Variants in CTNNA2 observed in about 807,000 individuals in gnomAD.
CTNNA2 encodes catenin alpha 2, also known as catenin alpha-2.
A neutral mutation model predicts 101.0 loss-of-function variants in CTNNA2; 42 were observed. That is an observed-to-expected ratio of 0.42 (90% CI 0.32 to 0.54). The LOEUF is 0.54. Among genes scored for constraint, CTNNA2 ranks in the 20% least tolerant of loss-of-function variants. CTNNA2 has a pLI of 0.14. For synonymous variants in CTNNA2, 450 were observed against 456.4 expected (o/e 0.99, Z 0.18); for missense variants, 871 against 1,223.1 (o/e 0.71, Z 4.29).
chr2:79,740,777 G>A lies in CTNNA2; in HGVS notation c.103-3610G>A, dbSNP rs571860120. Reference sequence around the variant, plus strand: ...TCAGGTTCCAAAGATACAGCATAGAGCACAACAACAATTCAGCCTTTTGTC... The same window carrying A: ...TCAGGTTCCAAAGATACAGCATAGAACACAACAACAATTCAGCCTTTTGTC... On this transcript the variant is annotated intron_variant, in intron 2 of 18. Coordinates refer to ENST00000402739, the MANE Select transcript of CTNNA2 (RefSeq NM_001282597.3). Among the ~76,000 whole-genome samples the A allele has an allele frequency of 2.0e-5, 3 of 152,118 alleles. No individual in the cohort carries two copies. The East Asian group carries it at 5.8e-4, about 29-fold the overall frequency.
intron 1 of CTNNA2, among the ~76,000 whole-genome samples, chr2:79,185,890 T>C (rs995670755): frequency 6.6e-6 from 1 of 152,164 alleles, no homozygotes; most frequent in Non-Finnish European, 1.5e-5. Context: ...ATGTGTGGTG[T>C]TTACAGAAGT....
chr2:80,277,555 A>G lies in CTNNA2; in HGVS notation c.1057-115656A>G, dbSNP rs1160295653. ...GAGAGACTCAGGGAAGGATTTCTGA[A>G]AAAAAAAAAAAAAAAAAATGGACTT... On this transcript the variant is annotated intron_variant, in intron 7 of 18. Coordinates refer to ENST00000402739, the MANE Select transcript of CTNNA2 (RefSeq NM_001282597.3). 2.8e-4 allele frequency among the ~76,000 whole-genome samples: 42 copies of G among 147,960 alleles called. No individual in the cohort carries two copies. In the East Asian group the frequency reaches 7.3e-3, roughly 26 times the overall value.
intron 7 of CTNNA2, among the ~76,000 whole-genome samples, chr2:79,979,973 A>T (rs1249817135): frequency 6.6e-6 from 1 of 152,152 alleles, no homozygotes; most frequent in Non-Finnish European, 1.5e-5. Context: ...CTCATCTATA[A>T]CTGGAGATGT....
intron 7 of CTNNA2, among the ~76,000 whole-genome samples, chr2:80,136,376 G>A (rs1409841890): frequency 6.6e-6 from 1 of 152,184 alleles, no homozygotes; most frequent in African/African-American, 2.4e-5. Context: ...GGAAGGTCTT[G>A]TGATTTATTG....
rs62140104 is a variant in CTNNA2 at position 79,639,223 on chromosome 2, A to C, written c.-5-12329A>C. On this transcript the variant is annotated intron_variant, in intron 1 of 18. Coordinates refer to ENST00000402739, the MANE Select transcript of CTNNA2 (RefSeq NM_001282597.3). Reference sequence around the variant, plus strand: ...GAATGGTTCCTGCTTTTACAATCTGATGAGTCAGAACAAAGCTCATCTCTC... The same window carrying C: ...GAATGGTTCCTGCTTTTACAATCTGCTGAGTCAGAACAAAGCTCATCTCTC... Among the ~76,000 whole-genome samples, 593 of 152,284 alleles carry C rather than the reference A, an allele frequency of 3.9e-3. 2 individuals carry two copies. Among genetic ancestry groups the C allele is most frequent in the Non-Finnish European group, 6.1e-3 (414 of 68,008 alleles).
At chr2:79,447,613 C>T (rs1678848431) in intron 4 of CTNNA2, among the ~76,000 whole-genome samples, 1 of 152,044 alleles carries the variant, frequency 6.6e-6, no homozygotes, top group Non-Finnish European at 1.5e-5. Flanking sequence ...AGGCTGTTCC[C>T]TCTAAAGCAG....
rs1013950162 is a variant in CTNNA2 at position 79,399,569 on chromosome 2, A to G, written c.-135+25556A>G. 7.2e-5 allele frequency among the ~76,000 whole-genome samples: 11 copies of G among 152,242 alleles called. No individual in the cohort carries two copies. The South Asian group carries it at 8.3e-4, about 11-fold the overall frequency. On this transcript the variant is annotated intron_variant, in intron 4 of 21. Transcript: ENST00000466387. Reference sequence around the variant, plus strand: ...ACACAACAAAGAATACAGACTTTACATAATAGTCCAGATAAGTCAATAAAC... The same window carrying G: ...ACACAACAAAGAATACAGACTTTACGTAATAGTCCAGATAAGTCAATAAAC...
intron 9 of CTNNA2, among the ~76,000 whole-genome samples, chr2:80,447,028 C>T (rs1037430002): frequency 4.6e-5 from 7 of 152,050 alleles, no homozygotes; most frequent in Non-Finnish European, 8.8e-5. Flanking sequence ...AGAATTATGA[C>T]CACCATGAAT....
chr2:80,103,439 A>G (rs147504728), intron 7 of CTNNA2, among the ~76,000 whole-genome samples: 1 of 152,276 alleles, frequency 6.6e-6, no homozygotes, highest in East Asian at 1.9e-4. Context: ...TTACCTTTTT[A>G]TAAGCCCTGT....
chr2:79,333,777 A>C (rs560863698), intron 3 of CTNNA2, among the ~76,000 whole-genome samples: 24 of 152,308 alleles, frequency 1.6e-4, no homozygotes, highest in South Asian at 6.2e-4. Flanking sequence ...TAACATGAAA[A>C]TAACAAAAAT....
chr2:79,852,310 C>G (rs1041810493), intron 3 of CTNNA2, among the ~76,000 whole-genome samples: 2 of 152,088 alleles, frequency 1.3e-5, no homozygotes, highest in Non-Finnish European at 2.9e-5. Context: ...TTTTAGTTCT[C>G]TTAAGGAGCA....
At chr2:79,276,893 A>G (rs1675225566) in intron 2 of CTNNA2, among the ~76,000 whole-genome samples, 1 of 152,162 alleles carries the variant, frequency 6.6e-6, no homozygotes, top group African/African-American at 2.4e-5. Context: ...ATCACAAGCC[A>G]GGTTCACACA....
At chr2:80,123,413 G>T (rs535800726) in intron 7 of CTNNA2, among the ~76,000 whole-genome samples, 1 of 150,108 alleles carries the variant, frequency 6.7e-6, no homozygotes. Context: ...TGTCCTTAAA[G>T]AGGATGGAGA....
rs1003123434 is a variant in CTNNA2, at chr2:79,206,432, T to C, written c.-406+8356T>C. Among the ~76,000 whole-genome samples the C allele has an allele frequency of 1.3e-4, 20 of 152,322 alleles. 1 individual carries two copies. Among genetic ancestry groups the C allele is most frequent in the African/African-American group, 4.1e-4 (17 of 41,586 alleles). ...TAAAAAGGGCCAGTCCTCAGCGACATTGGGGAGGTCAATCTTTGTCAATCC... is the reference window on the plus strand; with the variant it reads ...TAAAAAGGGCCAGTCCTCAGCGACACTGGGGAGGTCAATCTTTGTCAATCC... On this transcript the variant is annotated intron_variant, in intron 2 of 21. Coordinates refer to the CTNNA2 transcript ENST00000466387.
intron 18 of CTNNA2, among the ~76,000 whole-genome samples, chr2:80,640,061 C>T (rs1359004916): frequency 6.6e-6 from 1 of 151,796 alleles, no homozygotes; most frequent in Non-Finnish European, 1.5e-5. Context: ...GAGATTGTGC[C>T]ACTGCACTCC....
chr2:79,712,071 A>T (rs1427337672), intron 2 of CTNNA2, among the ~76,000 whole-genome samples: 1 of 152,182 alleles, frequency 6.6e-6, no homozygotes, highest in African/African-American at 2.4e-5. Flanking sequence ...ACTGACAATA[A>T]CTGCATTTAT....
intron 2 of CTNNA2, among the ~76,000 whole-genome samples, chr2:79,691,076 A>G (rs1264439930): frequency 6.6e-6 from 1 of 152,030 alleles, no homozygotes; most frequent in Non-Finnish European, 1.5e-5. Flanking sequence ...TGCAGAACAA[A>G]CAGGAAATAT....
At chr2:80,216,605 C>T (rs1053864942) in intron 7 of CTNNA2, among the ~76,000 whole-genome samples, 5 of 152,048 alleles carry the variant, frequency 3.3e-5, no homozygotes, top group Non-Finnish European at 5.9e-5. Flanking sequence ...TGTGAGGATA[C>T]TAGGAGAAGT....
intron 8 of CTNNA2, among the ~76,000 whole-genome samples, chr2:80,415,612 G>A (rs1038067257): frequency 6.6e-6 from 1 of 152,090 alleles, no homozygotes; most frequent in East Asian, 1.9e-4. Context: ...TTGTTTGTGG[G>A]AATGTAAATT....
Sources: allele counts gnomAD v4.1 joint callset (sites outside exome capture counted in the v4.1 genomes callset), GRCh38; gene constraint gnomAD v4.1.1; transcripts MANE v1.5; gene names NCBI Gene and HGNC (gene_info 2026-07-23, HGNC 2026-07-21).